RBPJ: variants seen among roughly 807,000 people sequenced by gnomAD.
RBPJ encodes recombination signal binding protein for immunoglobulin kappa J region.
A neutral mutation model predicts 67.8 loss-of-function variants in RBPJ; 9 were observed. The ratio of observed to expected loss-of-function variants is 0.13; its 90% CI spans 0.08 to 0.23. RBPJ has a LOEUF of 0.23. Among genes scored for constraint, RBPJ ranks in the 10% least tolerant of loss-of-function variants. The pLI, the probability that RBPJ is intolerant of heterozygous loss-of-function variation, is 1.00. For synonymous variants in RBPJ, 198 were observed against 203.3 expected (o/e 0.97, Z 0.22); for missense variants, 305 against 595.6 (o/e 0.51, Z 5.08).
At chr4:26,354,171 T>C (rs1275381442) in intron 1 of RBPJ, among the ~76,000 whole-genome samples, 1 of 152,016 alleles carries the variant, frequency 6.6e-6, no homozygotes, top group East Asian at 1.9e-4. Flanking sequence ...GACCTCGTGA[T>C]CCACCCGCCT....
chr4:26,394,319 G>T (rs941736031), intron 2 of RBPJ, among the ~76,000 whole-genome samples: 1 of 151,950 alleles, frequency 6.6e-6, no homozygotes, highest in African/African-American at 2.4e-5. Flanking sequence ...GAGCCACCAC[G>T]CCCAGCCTGG....
intron 1 of RBPJ, among the ~76,000 whole-genome samples, chr4:26,337,134 T>C (rs952835452): frequency 6.6e-6 from 1 of 151,278 alleles, no homozygotes. Flanking sequence ...GCTAATTTTT[T>C]TTTTTTTTTT....
At chr4:26,183,245 G>T (rs540769060) in intron 1 of RBPJ, among the ~76,000 whole-genome samples, 1 of 152,278 alleles carries the variant, frequency 6.6e-6, no homozygotes, top group East Asian at 1.9e-4. Flanking sequence ...AACACACTGG[G>T]CTGCATTGTC....
chr4:26,325,543 A>G (rs775713112), intron 1 of RBPJ, among the ~76,000 whole-genome samples: 5 of 152,204 alleles, frequency 3.3e-5, no homozygotes, highest in Non-Finnish European at 5.9e-5. Flanking sequence ...CTCTTTATCA[A>G]TTGCAAGATA....
intron 1 of RBPJ, among the ~76,000 whole-genome samples, chr4:26,238,914 G>C (rs371548310): frequency 6.6e-6 from 1 of 152,178 alleles, no homozygotes; most frequent in African/African-American, 2.4e-5. Context: ...GCAGGTGAGA[G>C]AGCCACAGAG....
chr4:26,117,658 A>G, the RBPJ span, among the ~76,000 whole-genome samples: 1 of 152,108 alleles, frequency 6.6e-6, no homozygotes, highest in African/African-American at 2.4e-5. Flanking sequence ...CCTCCACTTA[A>G]TTGACTTTAT....
At chr4:26,157,323 A>G in the RBPJ span, among the ~76,000 whole-genome samples, 1 of 152,030 alleles carries the variant, frequency 6.6e-6, no homozygotes, top group Admixed American at 6.6e-5. Context: ...GTCCCAGCTA[A>G]TTGGGATGCT....
chr4:26,191,210 T>TATATAGAG (rs1364457297), intron 1 of RBPJ, among the ~76,000 whole-genome samples: 7 of 26,832 alleles, frequency 2.6e-4, no homozygotes, highest in East Asian at 2.0e-3. Flanking sequence ...TATATATATA[T>TATATAGAG]AGAGAGAGAG....
chr4:26,114,199 C>T, the RBPJ span, among the ~76,000 whole-genome samples: 1 of 152,032 alleles, frequency 6.6e-6, no homozygotes, highest in Admixed American at 6.6e-5. Context: ...TGGCTCATGC[C>T]TGTAATCCCA....
intron 1 of RBPJ, among the ~76,000 whole-genome samples, chr4:26,269,776 T>TGAGGGAAGG (rs1194666167): frequency 1.3e-5 from 2 of 151,970 alleles, no homozygotes; most frequent in Admixed American, 6.6e-5. Context: ...CAGAATAATT[T>TGAGGGAAGG]GAGGGAAGGG....
the RBPJ span, among the ~76,000 whole-genome samples, chr4:26,129,595 T>TA: frequency 6.6e-6 from 1 of 152,226 alleles, no homozygotes; most frequent in East Asian, 1.9e-4. Context: ...TTTATGAACT[T>TA]ACTGTCCCTT....
chr4:26,273,870 C>T (rs1281135742), intron 1 of RBPJ, among the ~76,000 whole-genome samples: 4 of 152,184 alleles, frequency 2.6e-5, no homozygotes, highest in African/African-American at 9.7e-5. Context: ...ACACAGTCAT[C>T]GCCATTTGCA....
intron 1 of RBPJ, among the ~76,000 whole-genome samples, chr4:26,221,556 T>C (rs191430145): frequency 3.5e-4 from 53 of 152,272 alleles, no homozygotes; most frequent in Admixed American, 2.3e-3. Context: ...AGCATAGGTA[T>C]AGAATGAGAG....
At chr4:26,408,294 A>T (rs2109753785) in intron 3 of RBPJ, among the ~76,000 whole-genome samples, 1 of 152,214 alleles carries the variant, frequency 6.6e-6, no homozygotes, top group Non-Finnish European at 1.5e-5. Flanking sequence ...ATTTTATCGT[A>T]CTTTACTAAT....
At chr4:26,305,771 C>CTTTTTCT (rs1722213888) in intron 1 of RBPJ, among the ~76,000 whole-genome samples, 1 of 67,758 alleles carries the variant, frequency 1.5e-5, no homozygotes, top group African/African-American at 6.7e-5. Flanking sequence ...ATTTTCTTTT[C>CTTTTTCT]TTTTTTTTTT....
the RBPJ span, among the ~76,000 whole-genome samples, chr4:26,155,088 A>G: frequency 6.6e-6 from 1 of 152,194 alleles, no homozygotes; most frequent in African/African-American, 2.4e-5. Context: ...GGAAAATGTA[A>G]ACAACTTCAA....
chr4:26,329,539 A>G (rs956020800), intron 1 of RBPJ, among the ~76,000 whole-genome samples: 1 of 152,248 alleles, frequency 6.6e-6, no homozygotes, highest in South Asian at 2.1e-4. Context: ...TCCTTTGTCT[A>G]AAAAATGGAA....
chr4:26,389,474 A>G (rs1731273285), intron 2 of RBPJ, among the ~76,000 whole-genome samples: 1 of 150,306 alleles, frequency 6.7e-6, no homozygotes, highest in Non-Finnish European at 1.5e-5. Flanking sequence ...CCCAGTAGAT[A>G]TATACCGTTT....
intron 1 of RBPJ, among the ~76,000 whole-genome samples, chr4:26,340,912 G>A (rs757865313): frequency 6.6e-6 from 1 of 151,390 alleles, no homozygotes; most frequent in Non-Finnish European, 1.5e-5. Context: ...TGAAAGCCTT[G>A]AAATAAGTGT....
Sources: gnomAD v4.1 joint callset for allele counts (sites outside exome capture counted in the v4.1 genomes callset) on GRCh38, gnomAD v4.1.1 for gene constraint, MANE v1.5 for transcripts, NCBI Gene and HGNC (gene_info 2026-07-23, HGNC 2026-07-21) for gene names.